The following PRELID2 variants were observed in gnomAD, a reference collection of about 807,000 sequenced individuals.
PRELID2 encodes PRELI domain containing 2.
PRELID2 carries 25 observed loss-of-function variants against 28.4 expected under a neutral mutation model. That is an observed-to-expected ratio of 0.88 (90% CI 0.64 to 1.23). PRELID2 has a LOEUF of 1.23. PRELID2 is among the 50% of genes most tolerant of loss of function. PRELID2 has a pLI of 0.00. For missense variants in PRELID2, 201 were observed against 214.4 expected, an observed-to-expected ratio of 0.94 and a Z score of 0.39; for synonymous variants, 76 against 71.6, an observed-to-expected ratio of 1.06 and a Z score of -0.31.
Position 145,835,282 on chromosome 5 carries a change from CACGCCT to C in PRELID2, c.-37_-32del. 1.3e-6 allele frequency: 2 copies of C among 1,494,304 alleles called. No individual in the cohort carries two copies. The highest frequency in any genetic ancestry group is 1.8e-6 in the Non-Finnish European group (2 of 1,099,688). The allele number at this position is 1,494,304 out of a possible 1,614,324, so 92.6% of individuals were successfully genotyped here. A position where few individuals can be genotyped will look rare whatever the true frequency, so the allele number is the denominator to read the frequency against. On this transcript the variant is annotated 5_prime_UTR_variant, in exon 1 of 7. Coordinates refer to ENST00000683046, the MANE Select transcript of PRELID2 (RefSeq NM_205846.3). ...CGCGCCGCGGGCCCCGCGCACCGGC[CACGCCT>C]CCGCGAGCTCAGAGCTGCCCAGGGC...
At chr5:145,785,508 T>C (rs1409290143) in intron 5 of PRELID2, among the ~76,000 whole-genome samples, 1 of 152,222 alleles carries the variant, frequency 6.6e-6, no homozygotes, top group Non-Finnish European at 1.5e-5. Context: ...ATACACTAGA[T>C]ACAGCTAGAT....
chr5:145,359,065 A>G, the PRELID2 span, among the ~76,000 whole-genome samples: 3 of 152,184 alleles, frequency 2.0e-5, no homozygotes, highest in African/African-American at 7.2e-5. Context: ...TCCATTCCAG[A>G]TGGTGATTAC....
intron 1 of PRELID2, among the ~76,000 whole-genome samples, chr5:145,481,948 T>C (rs973575647): frequency 1.1e-4 from 16 of 152,206 alleles, no homozygotes; most frequent in African/African-American, 3.9e-4. Context: ...ACTGTATTAG[T>C]TATTGATGTA....
At chr5:145,427,052 A>G in the PRELID2 span, among the ~76,000 whole-genome samples, 1 of 152,208 alleles carries the variant, frequency 6.6e-6, no homozygotes, top group Non-Finnish European at 1.5e-5. Context: ...GATCTGACCT[A>G]CTTTAGAATC....
At chr5:145,726,255 G>GGGGAGGGAGGGAC (rs1756151718) in intron 1 of PRELID2, among the ~76,000 whole-genome samples, 1 of 140,950 alleles carries the variant, frequency 7.1e-6, no homozygotes, top group South Asian at 2.4e-4. Flanking sequence ...GAGGGAGGGA[G>GGGGAGGGAGGGAC]GGACGGAGGG....
At chr5:145,712,923 G>T (rs926118050) in intron 1 of PRELID2, among the ~76,000 whole-genome samples, 1 of 152,054 alleles carries the variant, frequency 6.6e-6, no homozygotes, top group East Asian at 1.9e-4. Flanking sequence ...ATTTGATAGG[G>T]TTATCAGAAG....
chr5:145,534,256 C>T (rs540738728), intron 1 of PRELID2, among the ~76,000 whole-genome samples: 21 of 151,988 alleles, frequency 1.4e-4, no homozygotes, highest in South Asian at 4.2e-4. Flanking sequence ...TTGTGTTCTA[C>T]GGTGCACAAG....
At chr5:145,782,121 G>A (rs760415084) in intron 5 of PRELID2, among the ~76,000 whole-genome samples, 26 of 152,142 alleles carry the variant, frequency 1.7e-4, no homozygotes, top group Non-Finnish European at 3.4e-4. Flanking sequence ...TAAGTGTTTT[G>A]AAGATGAGGA....
chr5:145,644,121 C>G (rs780763497), intron 1 of PRELID2, among the ~76,000 whole-genome samples: 3 of 152,122 alleles, frequency 2.0e-5, no homozygotes, highest in East Asian at 1.9e-4. Context: ...TGGTAGAATT[C>G]GGCTGTGAAT....
chr5:145,502,862 G>T (rs755333940), intron 1 of PRELID2, among the ~76,000 whole-genome samples: 4 of 147,200 alleles, frequency 2.7e-5, no homozygotes, highest in African/African-American at 7.6e-5. Context: ...TTTTTCTGCC[G>T]TGTCTGTATA....
chr5:145,810,183 T>C (rs1482305906), intron 4 of PRELID2, among the ~76,000 whole-genome samples: 1 of 152,224 alleles, frequency 6.6e-6, no homozygotes, highest in Admixed American at 6.5e-5. Context: ...TAATAAAGCA[T>C]ATTCCCACAA....
the PRELID2 span, among the ~76,000 whole-genome samples, chr5:145,385,313 T>G: frequency 3.3e-5 from 5 of 152,200 alleles, no homozygotes; most frequent in African/African-American, 4.8e-5. Flanking sequence ...CATGGTTAAG[T>G]GTCTGTGAAA....
chr5:145,662,995 GT>G (rs1324511400), intron 1 of PRELID2, among the ~76,000 whole-genome samples: 3 of 151,994 alleles, frequency 2.0e-5, no homozygotes, highest in African/African-American at 7.3e-5. Flanking sequence ...TCTTTTTTAG[GT>G]TTTCTAAATT....
At chr5:145,343,131 C>T in the PRELID2 span, among the ~76,000 whole-genome samples, 1 of 151,606 alleles carries the variant, frequency 6.6e-6, no homozygotes, top group Admixed American at 6.6e-5. Context: ...AAAAAATTAA[C>T]AAAGAAACAT....
the PRELID2 span, among the ~76,000 whole-genome samples, chr5:145,335,665 C>A: frequency 2.0e-5 from 3 of 152,148 alleles, no homozygotes; most frequent in East Asian, 5.8e-4. Context: ...AAATGGAAAC[C>A]CAACTACCAA....
chr5:145,510,463 G>C (rs987131159), intron 1 of PRELID2, among the ~76,000 whole-genome samples: 9 of 152,190 alleles, frequency 5.9e-5, no homozygotes, highest in Non-Finnish European at 1.3e-4. Flanking sequence ...GCCTCAGAGG[G>C]GGAGGCATTC....
In PRELID2 at chr5:145,604,882, C is replaced by CATATATATATATATAT. The variant is rs35401852; in HGVS notation, n.71-131583_71-131568dup. 9.5e-3 allele frequency among the ~76,000 whole-genome samples: 1,106 copies of CATATATATATATATAT among 115,834 alleles called. 39 individuals carry two copies. Among genetic ancestry groups the CATATATATATATATAT allele is most frequent in the African/African-American group, 0.04 (1,035 of 26,042 alleles). The allele number at this position is 115,834 out of a possible 152,430, so 76.0% of individuals were successfully genotyped here. A position where few individuals can be genotyped will look rare whatever the true frequency, so the allele number is the denominator to read the frequency against. ...ACCATATTTTAATATGCTTGTTGGC[C>CATATATATATATATAT]ATATATATATATATATATATATTCT... On this transcript the variant is annotated intron_variant and non_coding_transcript_variant, in intron 1 of 2. Transcript: ENST00000510259.
At chr5:145,297,391 G>C in the PRELID2 span, among the ~76,000 whole-genome samples, 2 of 151,936 alleles carry the variant, frequency 1.3e-5, no homozygotes, top group African/African-American at 4.8e-5. Context: ...AATAGATGCA[G>C]AAAAGGCCTT....
intron 1 of PRELID2, among the ~76,000 whole-genome samples, chr5:145,620,879 C>A (rs1753765359): frequency 6.6e-6 from 1 of 151,944 alleles, no homozygotes; most frequent in South Asian, 2.1e-4. Flanking sequence ...AAATAACTTA[C>A]AAAAGAATAA....
Sources: allele counts gnomAD v4.1 joint callset (sites outside exome capture counted in the v4.1 genomes callset), GRCh38; gene constraint gnomAD v4.1.1; transcripts MANE v1.5; gene names NCBI Gene and HGNC (gene_info 2026-07-23, HGNC 2026-07-21).